GTF2I: variants seen among roughly 807,000 people sequenced by gnomAD.
The protein encoded by GTF2I is general transcription factor II-I.
A neutral mutation model predicts 67.6 loss-of-function variants in GTF2I; 12 were observed. That is an observed-to-expected ratio of 0.18 (90% confidence interval 0.11 to 0.29). GTF2I has a LOEUF of 0.29. GTF2I is among the 10% of genes least tolerant of loss of function. The pLI is 1.00. For synonymous variants in GTF2I, 149 were observed against 197.0 expected (o/e 0.76, Z 2.04); for missense variants, 271 against 580.1 (o/e 0.47, Z 5.47).
chr7:74,661,817 C>T (rs1273869228), intron 1 of GTF2I, among the ~76,000 whole-genome samples: 1 of 152,120 alleles, frequency 6.6e-6, no homozygotes, highest in Non-Finnish European at 1.5e-5. Context: ...TCATAAGTCT[C>T]CAGTTTAAAA....
intron 15 of GTF2I, 151 bp downstream of exon 15, chr7:74,732,813 G>A: frequency 1.7e-6 from 1 of 604,442 alleles, no homozygotes; most frequent in South Asian, 2.5e-5. Context: ...TAATTTATCT[G>A]GGTCCAGCAT....
chr7:74,709,523 C>T (rs1386412507), intron 8 of GTF2I, among the ~76,000 whole-genome samples: 16 of 152,070 alleles, frequency 1.1e-4, no homozygotes, highest in Admixed American at 9.8e-4. Context: ...TCCCAAAGTG[C>T]TGGGATTATA....
At chr7:74,665,969 A>G (rs1430134397) in intron 1 of GTF2I, among the ~76,000 whole-genome samples, 1 of 152,182 alleles carries the variant, frequency 6.6e-6, no homozygotes, top group Non-Finnish European at 1.5e-5. Context: ...CTTCCCAAGT[A>G]GCTGGGACTA....
intron 16 of GTF2I, among the ~76,000 whole-genome samples, chr7:74,734,562 C>G (rs1406536620): frequency 6.6e-6 from 1 of 151,744 alleles, no homozygotes; most frequent in Non-Finnish European, 1.5e-5. Flanking sequence ...GCTGGGATTA[C>G]AGGTGCCTGC....
intron 12 of GTF2I, among the ~76,000 whole-genome samples, chr7:74,723,579 C>T (rs999050407): frequency 2.9e-4 from 44 of 151,542 alleles, no homozygotes; most frequent in South Asian, 2.1e-4. Context: ...TACAGGCACA[C>T]GCCACCATGT....
chr7:74,703,073 T>C (rs868980822), intron 6 of GTF2I, among the ~76,000 whole-genome samples: 1 of 152,150 alleles, frequency 6.6e-6, no homozygotes, highest in Non-Finnish European at 1.5e-5. Context: ...TGGAGAAATA[T>C]CTATTTAGGT....
chr7:74,722,480 AAGG>A (rs1793149964), intron 12 of GTF2I, among the ~76,000 whole-genome samples: 1 of 152,108 alleles, frequency 6.6e-6, no homozygotes, highest in African/African-American at 2.4e-5. Context: ...GAACCGTGTA[AAGG>A]AGGTTTCTTT....
intron 1 of GTF2I, among the ~76,000 whole-genome samples, chr7:74,685,125 T>C (rs1489630111): frequency 6.6e-6 from 1 of 152,208 alleles, no homozygotes; most frequent in Non-Finnish European, 1.5e-5. Context: ...TGACTTGAAG[T>C]TACAAAGGTT....
chr7:74,690,224 A>AG (rs1441766343), intron 2 of GTF2I, among the ~76,000 whole-genome samples: 1 of 152,036 alleles, frequency 6.6e-6, no homozygotes, highest in Non-Finnish European at 1.5e-5. Flanking sequence ...TAAAAAAAAA[A>AG]AGAAAAAGAT....
chr7:74,703,797 C>T (rs1554400514), intron 6 of GTF2I, among the ~76,000 whole-genome samples: 1 of 152,180 alleles, frequency 6.6e-6, no homozygotes, highest in African/African-American at 2.4e-5. Flanking sequence ...ACATTTAGAT[C>T]TATGGTTCAT....
intron 5 of GTF2I, 22 bp downstream of exon 5, chr7:74,700,452 T>A (rs781868187): frequency 1.9e-6 from 3 of 1,613,172 alleles, no homozygotes; most frequent in East Asian, 2.2e-5. Context: ...TCTCCCTTTG[T>A]ACCCATCAAC....
chr7:74,700,480 T>C (rs782245383), intron 5 of GTF2I, 50 bp downstream of exon 5: 16 of 1,605,784 alleles, frequency 1.0e-5, no homozygotes, highest in Non-Finnish European at 1.4e-5. Flanking sequence ...TCGTATAAAT[T>C]TGAATATTTA....
chr7:74,677,424 T>C (rs1805994452), intron 1 of GTF2I, among the ~76,000 whole-genome samples: 1 of 152,140 alleles, frequency 6.6e-6, no homozygotes, highest in Non-Finnish European at 1.5e-5. Context: ...CTGAGGATGT[T>C]TCTGTTAGTG....
intron 4 of GTF2I, 46 bp from the exon 5 acceptor site, chr7:74,700,201 T>C: frequency 6.3e-7 from 1 of 1,586,122 alleles, no homozygotes; most frequent in Non-Finnish European, 8.6e-7. Flanking sequence ...TTTCATTTTG[T>C]AATCTTACCA....
rs1240627887 is a variant in GTF2I at position 74,707,636 on chromosome 7, CAGA to C, written c.685+1206_685+1208del. On this transcript the variant is annotated intron_variant, in intron 8 of 34. Transcript: ENST00000573035. ...TCTTTTACACTGTTTGCTGGTTTTACAGAAGGTTTTTCTTTTTTCTTTATTTTC... is the reference window on the plus strand; with the variant it reads ...TCTTTTACACTGTTTGCTGGTTTTACAGGTTTTTCTTTTTTCTTTATTTTC... Among the ~76,000 whole-genome samples, 3 of 152,284 alleles carry C rather than the reference CAGA, an allele frequency of 2.0e-5. No individual in the cohort carries two copies. The East Asian group carries it at 5.8e-4, about 29-fold the overall frequency.
chr7:74,716,081 C>T (rs1426468801), intron 10 of GTF2I, among the ~76,000 whole-genome samples: 1 of 151,750 alleles, frequency 6.6e-6, no homozygotes, highest in Non-Finnish European at 1.5e-5. Context: ...TTTTTTGGTA[C>T]TTAAAGGCAG....
Position 74,662,334 on chromosome 7 carries a change from C to T in GTF2I, c.-6+4266C>T, listed in dbSNP as rs369195623. On this transcript the variant is annotated intron_variant, in intron 1 of 34. Coordinates refer to ENST00000573035, the MANE Select transcript of GTF2I (RefSeq NM_032999.4). ...CAAGTGATTCTCCTGCCTCAGCCTCCGGAGTAGCTGGGATCATAGGCATGC... is the reference window on the plus strand; with the variant it reads ...CAAGTGATTCTCCTGCCTCAGCCTCTGGAGTAGCTGGGATCATAGGCATGC... Among the ~76,000 whole-genome samples, 91 of 150,324 alleles carry T rather than the reference C, an allele frequency of 6.1e-4. 1 individual carries two copies. The highest frequency in any genetic ancestry group is 1.1e-3 in the Non-Finnish European group (75 of 67,702).
chr7:74,675,358 C>T (rs1554392062), intron 1 of GTF2I, among the ~76,000 whole-genome samples: 1 of 152,016 alleles, frequency 6.6e-6, no homozygotes, highest in African/African-American at 2.4e-5. Flanking sequence ...TGGTGTTTGT[C>T]TGTCTGGAGA....
At chr7:74,717,415 C>T (rs587654860) in intron 11 of GTF2I, among the ~76,000 whole-genome samples, 4 of 152,276 alleles carry the variant, frequency 2.6e-5, no homozygotes, top group African/African-American at 9.6e-5. Context: ...CTCACAACTA[C>T]TCCATAAATG....
Sources: allele counts gnomAD v4.1 joint callset (sites outside exome capture counted in the v4.1 genomes callset), GRCh38; gene constraint gnomAD v4.1.1; transcripts MANE v1.5; gene names NCBI Gene and HGNC (gene_info 2026-07-23, HGNC 2026-07-21).